The following SMYD3 variants were observed in gnomAD, a reference collection of about 807,000 sequenced individuals.
SMYD3 encodes SET and MYND domain containing 3, also known as histone-lysine N-methyltransferase SMYD3.
SMYD3 carries 36 observed loss-of-function variants against 57.7 expected under a neutral mutation model. That is an observed-to-expected ratio of 0.62 (90% CI 0.48 to 0.82). SMYD3 has a LOEUF of 0.82. Ranked by LOEUF, SMYD3 falls within the 40% of genes least tolerant of loss-of-function variation. The pLI, the probability that SMYD3 is intolerant of heterozygous loss-of-function variation, is 0.00. For missense variants in SMYD3, 515 were observed against 538.8 expected (o/e 0.96, Z 0.44); for synonymous variants, 211 against 195.0 (o/e 1.08, Z -0.68).
At chr1:246,247,291 T>G (rs1212532145) in intron 5 of SMYD3, among the ~76,000 whole-genome samples, 1 of 145,926 alleles carries the variant, frequency 6.9e-6, no homozygotes, top group Non-Finnish European at 1.5e-5. Flanking sequence ...TCTCAAATTT[T>G]ATGTGTTATA....
At chr1:246,128,266 T>C (rs1221595629) in intron 5 of SMYD3, among the ~76,000 whole-genome samples, 1 of 152,222 alleles carries the variant, frequency 6.6e-6, no homozygotes, top group Non-Finnish European at 1.5e-5. Flanking sequence ...TTTTATTTCA[T>C]AGCTCTTACC....
chr1:246,414,495 A>G lies in SMYD3; in HGVS notation c.165-59401T>C, dbSNP rs371064057. Among the ~76,000 whole-genome samples the G allele has an allele frequency of 5.4e-4, 82 of 152,284 alleles. 1 individual carries two copies. The South Asian group carries it at 0.012, about 23-fold the overall frequency. On this transcript the variant is annotated intron_variant, in intron 1 of 11. Coordinates refer to ENST00000490107, the MANE Select transcript of SMYD3 (RefSeq NM_001167740.2). ...AGGTTTGAGTTTCCTAGAGGAAGAA[A>G]CAAGAGATTTAGAATGCATGGTGTC... is the stretch of plus-strand genomic sequence containing the variant.
At chr1:245,799,116 A>T (rs2148229381) in intron 10 of SMYD3, among the ~76,000 whole-genome samples, 1 of 152,376 alleles carries the variant, frequency 6.6e-6, no homozygotes, top group South Asian at 2.1e-4. Context: ...CCCAGAGAGG[A>T]ATCAGAGCTA....
chr1:245,937,943 C>T (rs1404376736), intron 5 of SMYD3, among the ~76,000 whole-genome samples: 3 of 152,204 alleles, frequency 2.0e-5, no homozygotes, highest in Admixed American at 1.3e-4. Context: ...TTAGATATGG[C>T]AGCGTGTGGC....
chr1:246,364,665 C>G (rs1212427014), intron 1 of SMYD3, among the ~76,000 whole-genome samples: 1 of 152,154 alleles, frequency 6.6e-6, no homozygotes, highest in Non-Finnish European at 1.5e-5. Flanking sequence ...CCTGAAAGAA[C>G]AGAAGTGAGT....
chr1:246,503,619 T>C (rs1159165543), intron 1 of SMYD3, among the ~76,000 whole-genome samples: 1 of 152,172 alleles, frequency 6.6e-6, no homozygotes, highest in Admixed American at 6.5e-5. Flanking sequence ...TCAACCAACC[T>C]GTTCTACCTC....
At chr1:246,405,542 T>C (rs1446389545) in intron 1 of SMYD3, among the ~76,000 whole-genome samples, 1 of 152,132 alleles carries the variant, frequency 6.6e-6, no homozygotes, top group African/African-American at 2.4e-5. Context: ...TCCACAGGCT[T>C]CCAGGGTTGA....
At chr1:246,486,754 C>T (rs1223208113) in intron 1 of SMYD3, among the ~76,000 whole-genome samples, 1 of 152,106 alleles carries the variant, frequency 6.6e-6, no homozygotes, top group African/African-American at 2.4e-5. Context: ...ATGAATAATA[C>T]TAATTAAAAA....
intron 8 of SMYD3, among the ~76,000 whole-genome samples, chr1:245,870,909 T>C (rs1410294079): frequency 6.6e-6 from 1 of 152,204 alleles, no homozygotes; most frequent in African/African-American, 2.4e-5. Flanking sequence ...TGCAAGCGTT[T>C]GATGTTGAAA....
At chr1:245,912,649 A>T (rs2055082802) in intron 8 of SMYD3, among the ~76,000 whole-genome samples, 1 of 152,236 alleles carries the variant, frequency 6.6e-6, no homozygotes. Flanking sequence ...AATTGGTATA[A>T]AAACAGACAT....
At chr1:246,023,964 A>C (rs1289713988) in intron 5 of SMYD3, among the ~76,000 whole-genome samples, 2 of 152,140 alleles carry the variant, frequency 1.3e-5, no homozygotes, top group Admixed American at 1.3e-4. Flanking sequence ...GAATAAAGAC[A>C]GTTAATTCTT....
intron 1 of SMYD3, among the ~76,000 whole-genome samples, chr1:246,377,916 A>G (rs1333065176): frequency 6.6e-6 from 1 of 152,150 alleles, no homozygotes; most frequent in Non-Finnish European, 1.5e-5. Flanking sequence ...CTAAATCTGT[A>G]TCTCATCACC....
intron 5 of SMYD3, among the ~76,000 whole-genome samples, chr1:246,142,927 G>T (rs1041948771): frequency 6.6e-6 from 1 of 152,138 alleles, no homozygotes; most frequent in Non-Finnish European, 1.5e-5. Context: ...TCTTCATGGA[G>T]ATAAACACGA....
At chr1:246,307,524 A>C (rs1281230758) in intron 5 of SMYD3, among the ~76,000 whole-genome samples, 2 of 141,964 alleles carry the variant, frequency 1.4e-5, no homozygotes, top group Non-Finnish European at 3.0e-5. Context: ...GGTTCACGCC[A>C]TTCTCCTGCC....
chr1:245,872,319 T>C (rs1430722234), intron 8 of SMYD3, among the ~76,000 whole-genome samples: 2 of 149,602 alleles, frequency 1.3e-5, no homozygotes, highest in African/African-American at 4.8e-5. Context: ...AAGCAGCTGC[T>C]TGCATCCTCG....
chr1:246,400,038 C>T (rs2066742758), intron 1 of SMYD3, among the ~76,000 whole-genome samples: 2 of 152,014 alleles, frequency 1.3e-5, no homozygotes, highest in Non-Finnish European at 2.9e-5. Context: ...TTTCATCTTT[C>T]TCTGTTTCAT....
chr1:246,230,268 T>C (rs1368688973), intron 5 of SMYD3, among the ~76,000 whole-genome samples: 1 of 152,064 alleles, frequency 6.6e-6, no homozygotes, highest in Non-Finnish European at 1.5e-5. Flanking sequence ...GACATCAATC[T>C]TTTTTTCACA....
chr1:246,380,897 G>A (rs1485387809), intron 1 of SMYD3, among the ~76,000 whole-genome samples: 1 of 152,230 alleles, frequency 6.6e-6, no homozygotes, highest in Non-Finnish European at 1.5e-5. Flanking sequence ...GGTAGCTAGG[G>A]TAAGGTAAAG....
chr1:246,291,706 A>G (rs533367637), intron 5 of SMYD3, among the ~76,000 whole-genome samples: 1 of 152,344 alleles, frequency 6.6e-6, no homozygotes, highest in Admixed American at 6.5e-5. Flanking sequence ...CATACTTGAG[A>G]AAACATGCCA....
Sources: gnomAD v4.1 joint callset for allele counts (sites outside exome capture counted in the v4.1 genomes callset) on GRCh38, gnomAD v4.1.1 for gene constraint, MANE v1.5 for transcripts, NCBI Gene and HGNC (gene_info 2026-07-23, HGNC 2026-07-21) for gene names.